The following TF variants were observed in gnomAD, a reference collection of about 807,000 sequenced individuals.
The protein encoded by TF is serotransferrin.
Under a neutral mutation model 82.4 loss-of-function variants are expected in TF, and 55 were observed. The observed-to-expected ratio is 0.67, with a 90% CI of 0.54 to 0.84. The LOEUF is 0.84. Among genes scored for constraint, TF ranks in the 40% least tolerant of loss-of-function variants. The pLI, the probability that TF is intolerant of heterozygous loss-of-function variation, is 0.00. For synonymous variants in TF, 332 were observed against 332.6 expected (o/e 1.00, Z 0.02); for missense variants, 737 against 868.4 (o/e 0.85, Z 1.90).
At chr3:133,728,251 T>G in the TF span, among the ~76,000 whole-genome samples, 1 of 152,232 alleles carries the variant, frequency 6.6e-6, no homozygotes, top group Non-Finnish European at 1.5e-5. Context: ...CAGAGTGTTT[T>G]CCAACTTGGT....
At chr3:133,690,465 T>G in the TF span, among the ~76,000 whole-genome samples, 1 of 152,232 alleles carries the variant, frequency 6.6e-6, no homozygotes, top group Non-Finnish European at 1.5e-5. Flanking sequence ...CTGGTAGGTT[T>G]GCAGTGAAAT....
At chr3:133,689,125 A>G in the TF span, among the ~76,000 whole-genome samples, 1 of 152,148 alleles carries the variant, frequency 6.6e-6, no homozygotes, top group African/African-American at 2.4e-5. Context: ...CAGGCGCTCA[A>G]GACCAGCCTG....
chr3:133,686,023 G>A, the TF span, among the ~76,000 whole-genome samples: 1 of 152,210 alleles, frequency 6.6e-6, no homozygotes, highest in African/African-American at 2.4e-5. Context: ...GAAGAGAACA[G>A]AGTCCTCAGA....
At chr3:133,726,803 A>C in the TF span, among the ~76,000 whole-genome samples, 3,064 of 152,152 alleles carry the variant, frequency 0.02, 65 homozygotes, top group South Asian at 0.092. Context: ...TTAGTGCTAT[A>C]AATTTCCCTC....
the TF span, among the ~76,000 whole-genome samples, chr3:133,738,737 C>T: frequency 6.6e-6 from 1 of 152,132 alleles, no homozygotes; most frequent in African/African-American, 2.4e-5. Context: ...AATAAAATAC[C>T]TAGGAATACA....
rs929309686 is a variant in TF, at chr3:133,792,840, T to C, written c.*14220T>C. ...GTAAAAAATTATGTGTGTGAACATATTGACTAAATTTAAAGGGGTATTTTC... is the reference window on the plus strand; with the variant it reads ...GTAAAAAATTATGTGTGTGAACATACTGACTAAATTTAAAGGGGTATTTTC... On this transcript the variant is annotated 3_prime_UTR_variant, in exon 17 of 17. Transcript: ENST00000402696. 2 of 152,144 alleles carry C rather than the reference T, an allele frequency of 1.3e-5. No individual in the cohort carries two copies. Among genetic ancestry groups the C allele is most frequent in the Non-Finnish European group, 2.9e-5 (2 of 68,024 alleles). 9.4% of individuals were successfully genotyped at this position (152,144 alleles called of 1,614,324 possible).
chr3:133,795,749 TG>T lies in TF; in HGVS notation c.*17130del, dbSNP rs1934952499. 1 of 152,050 alleles carries T rather than the reference TG, an allele frequency of 6.6e-6. No homozygotes were observed. Among genetic ancestry groups the T allele is most frequent in the South Asian group, 2.1e-4 (1 of 4,810 alleles). The allele number at this position is 152,050 out of a possible 1,614,324, so 9.4% of individuals were successfully genotyped here. A position where few individuals can be genotyped will look rare whatever the true frequency, so the allele number is the denominator to read the frequency against. On this transcript the variant is annotated 3_prime_UTR_variant, in exon 17 of 17. Coordinates refer to ENST00000402696, the MANE Select transcript of TF (RefSeq NM_001063.4). The stretch of plus-strand genomic sequence containing the variant: ...TGCCACCACGCCCGGCTAATTTTTT[TG>T]TATTTTTAGTGGAGACGGGGTTTCA...
At chr3:133,694,850 T>TTTTA in the TF span, among the ~76,000 whole-genome samples, 1,200 of 147,012 alleles carry the variant, frequency 8.2e-3, 15 homozygotes, top group African/African-American at 0.027. Flanking sequence ...AAGCCTTTAG[T>TTTTA]TTTATTTATT....
the TF span, chr3:133,688,491 C>A: frequency 3.3e-4 from 50 of 152,246 alleles, no homozygotes; most frequent in Admixed American, 3.3e-3. Flanking sequence ...GAGAAAGAAA[C>A]AAGCCAAAGA....
At chr3:133,721,745 C>T in the TF span, among the ~76,000 whole-genome samples, 1 of 152,026 alleles carries the variant, frequency 6.6e-6, no homozygotes, top group Non-Finnish European at 1.5e-5. Flanking sequence ...ATAATATTTG[C>T]TTTATATATT....
Position 133,748,467 on chromosome 3 carries a change from T to G in TF, c.99T>G (p.His33Gln), listed in dbSNP as rs1576354288. 6.2e-7 allele frequency: 1 copy of G among 1,614,014 alleles called. No homozygotes were observed. Reference sequence around the variant, plus strand: ...TGAGATGGTGTGCAGTGTCGGAGCATGAGGCCACTAAGTGCCAGAGTTTCC... The same window carrying G: ...TGAGATGGTGTGCAGTGTCGGAGCAGGAGGCCACTAAGTGCCAGAGTTTCC... ...KTVRWCAVSEHEATKCQSFRD... is the reference protein window; with the variant it reads ...KTVRWCAVSEQEATKCQSFRD... The change falls in exon 2 of 17, where the codon CAT (histidine) becomes CAG (glutamine). Residue 33 changes from histidine (H) to glutamine (Q), a missense_variant. Physicochemically the swap from His to Gln is conservative, Grantham distance 24. Transcript: ENST00000402696.
At chr3:133,684,758 C>T in the TF span, among the ~76,000 whole-genome samples, 7 of 152,166 alleles carry the variant, frequency 4.6e-5, no homozygotes, top group Middle Eastern at 3.2e-3. Flanking sequence ...GATTCACAGC[C>T]AAATTCTACC....
chr3:133,683,007 G>A, the TF span, among the ~76,000 whole-genome samples: 372 of 152,144 alleles, frequency 2.4e-3, 1 homozygote, highest in African/African-American at 8.5e-3. Context: ...CTGATCTCGC[G>A]GCAGAAACTC....
At chr3:133,777,405 C>A in intron 16 of TF, 167 bp downstream of exon 16, 1 of 661,892 alleles carries the variant, frequency 1.5e-6, no homozygotes. Flanking sequence ...ACAGGCTAGA[C>A]TGTAGGGGCA....
At chr3:133,726,832 C>T in the TF span, among the ~76,000 whole-genome samples, 22 of 152,124 alleles carry the variant, frequency 1.4e-4, no homozygotes, top group African/African-American at 1.9e-4. Flanking sequence ...GCTCTGAATG[C>T]GTCCCAGAGA....
Position 133,789,850 on chromosome 3 carries a change from C to T in TF, c.*11230C>T, listed in dbSNP as rs1934783301. The T allele has an allele frequency of 6.9e-6, 1 of 145,282 alleles. No individual in the cohort carries two copies. The highest frequency in any genetic ancestry group is 1.5e-5 in the Non-Finnish European group (1 of 67,198). The allele number at this position is 145,282 out of a possible 1,614,324, so 9.0% of individuals were successfully genotyped here. ...GCATAGAAGGTTATAAAACTATAAA[C>T]CCAGCCAAAACAAAACGATCTCGTT... is the stretch of plus-strand genomic sequence containing the variant. On this transcript the variant is annotated 3_prime_UTR_variant, in exon 17 of 17. Coordinates refer to ENST00000402696, the MANE Select transcript of TF (RefSeq NM_001063.4).
Position 133,781,062 on chromosome 3 carries a change from T to TA in TF, c.*2444dup, listed in dbSNP as rs1934506106. The TA allele has an allele frequency of 6.6e-6, 1 of 151,946 alleles. No individual in the cohort carries two copies. The highest frequency in any genetic ancestry group is 1.5e-5 in the Non-Finnish European group (1 of 68,052). 9.4% of individuals were successfully genotyped at this position (151,946 alleles called of 1,614,324 possible). ...GGCAGGGCGTGGTGGCTCACACCTG[T>TA]AATCTCAGCACTTTGGGAGGCCAAG... is the stretch of plus-strand genomic sequence containing the variant. On this transcript the variant is annotated 3_prime_UTR_variant, in exon 17 of 17. Coordinates refer to ENST00000402696, the MANE Select transcript of TF (RefSeq NM_001063.4).
At chr3:133,750,395 G>C (rs1933626716) in intron 2 of TF, among the ~76,000 whole-genome samples, 1 of 152,168 alleles carries the variant, frequency 6.6e-6, no homozygotes, top group Admixed American at 6.5e-5. Context: ...GTTAGCCGAA[G>C]GGAAAAGGTG....
chr3:133,777,581 G>C (rs1362940828), intron 16 of TF: 1 of 213,566 alleles, frequency 4.7e-6, no homozygotes, highest in Non-Finnish European at 9.4e-6. Context: ...CCACCAGCAA[G>C]ATGTGACTAT....
Sources: gnomAD v4.1 joint callset for allele counts (sites outside exome capture counted in the v4.1 genomes callset) on GRCh38, gnomAD v4.1.1 for gene constraint, MANE v1.5 for transcripts, NCBI Gene and HGNC (gene_info 2026-07-23, HGNC 2026-07-21) for gene names.